DERL1: variants seen among roughly 807,000 people sequenced by gnomAD.
DERL1 encodes derlin 1, also known as derlin-1.
A neutral mutation model predicts 41.6 loss-of-function variants in DERL1; 24 were observed. That is an observed-to-expected ratio of 0.58 (90% confidence interval 0.42 to 0.81). The LOEUF (loss-of-function observed/expected upper bound fraction) is 0.81. Among genes scored for constraint, DERL1 ranks in the 30% least tolerant of loss-of-function variants. The pLI is 0.00. For synonymous variants in DERL1, 124 were observed against 112.5 expected (o/e 1.10, Z -0.65); for missense variants, 260 against 314.3 (o/e 0.83, Z 1.31).
At chr8:123,024,425 G>A (rs1812635960) in intron 3 of DERL1, among the ~76,000 whole-genome samples, 1 of 152,168 alleles carries the variant, frequency 6.6e-6, no homozygotes, top group Non-Finnish European at 1.5e-5. Context: ...CAGGACCTGA[G>A]ACATCGAGAG....
chr8:123,033,459 T>C (rs915734880), intron 1 of DERL1, among the ~76,000 whole-genome samples: 7 of 152,150 alleles, frequency 4.6e-5, no homozygotes, highest in Admixed American at 2.6e-4. Flanking sequence ...AAAATTGAGC[T>C]TCGGCCGGGA....
intron 1 of DERL1, among the ~76,000 whole-genome samples, chr8:123,031,510 A>C (rs1161875863): frequency 1.3e-5 from 2 of 152,066 alleles, no homozygotes; most frequent in Non-Finnish European, 2.9e-5. Context: ...GCGCCACTAC[A>C]CTCCAGCCTG....
At chr8:123,024,222 C>A (rs1441109085) in intron 3 of DERL1, among the ~76,000 whole-genome samples, 2 of 152,154 alleles carry the variant, frequency 1.3e-5, no homozygotes, top group East Asian at 3.8e-4. Context: ...GATGAAGATG[C>A]CTGTAGCCTT....
chr8:123,015,824 A>C (rs943853072), intron 7 of DERL1: 4 of 411,364 alleles, frequency 9.7e-6, no homozygotes, highest in African/African-American at 2.0e-5. Context: ...CTAAATTCAC[A>C]CTCTGAACGT....
chr8:123,037,928 CTT>C (rs1231586413), intron 1 of DERL1, among the ~76,000 whole-genome samples: 1 of 152,154 alleles, frequency 6.6e-6, no homozygotes, highest in Non-Finnish European at 1.5e-5. Flanking sequence ...ATTGCCACCT[CTT>C]GTGTAGTTAA....
rs200467011 is a variant in DERL1 at position 123,019,268 on chromosome 8, G to T, written c.544C>A (p.Leu182Ile). Residue 182 changes from leucine (L) to isoleucine (I), a missense_variant, in exon 7 of 8, where the codon CTT becomes ATT. Transcript: ENST00000259512. ...NELIGNLVGH[L>I]YFFLMFRYPM... ...TATCTGAACATTAGGAAAAAATAAA[G>T]ATGTCCAACCAGATTTCCAATAAGC... 2 of 1,614,044 alleles carry T rather than the reference G, an allele frequency of 1.2e-6. No homozygotes were observed. The highest frequency in any genetic ancestry group is 2.7e-5 in the African/African-American group (2 of 75,028).
Position 123,024,988 on chromosome 8 carries a change from C to T in DERL1, c.328G>A (p.Val110Met), listed in dbSNP as rs762376992. 47 of 1,613,274 alleles carry T rather than the reference C, an allele frequency of 2.9e-5. No homozygotes were observed. In the Admixed American group the frequency reaches 3.3e-4, roughly 11 times the overall value. Residue 110 changes from valine (V) to methionine (M), a missense_variant and splice_region_variant, in exon 3 of 8, where the codon GTG becomes ATG. Physicochemically the swap from Val to Met is conservative, Grantham distance 21. Transcript: ENST00000259512. ...FMLLFNWICI[V>M]ITGLAMDMQL... ...CAAAATCACAGACTGAAGGATACCA[C>T]GATGCAAATCCAGTTAAAGAGGAGC...
At chr8:123,022,358 A>G (rs557674232) in intron 5 of DERL1, among the ~76,000 whole-genome samples, 1 of 152,318 alleles carries the variant, frequency 6.6e-6, no homozygotes, top group South Asian at 2.1e-4. Flanking sequence ...AATAACAGGG[A>G]ACGAGGGAGG....
At chr8:123,034,581 T>C (rs1812884427) in intron 1 of DERL1, among the ~76,000 whole-genome samples, 1 of 152,204 alleles carries the variant, frequency 6.6e-6, no homozygotes. Flanking sequence ...CAGTAAGTGG[T>C]GAAGCTAGAA....
At position 123,014,871 on chromosome 8, in the gene DERL1, C is replaced by T. The variant is rs1040296404; in HGVS notation, c.*576G>A. ...GAAGCAATTCCAAAAGCTGAGAAAA[C>T]GCTTCATCCGCTGCTTGTCTTCTCC... On this transcript the variant is annotated 3_prime_UTR_variant, in exon 8 of 8. Coordinates refer to ENST00000259512, the MANE Select transcript of DERL1 (RefSeq NM_024295.6). The T allele has an allele frequency of 3.3e-5, 5 of 152,166 alleles. No individual in the cohort carries two copies. The highest frequency in any genetic ancestry group is 1.2e-4 in the African/African-American group (5 of 41,424). The allele number at this position is 152,166 out of a possible 1,614,324, so 9.4% of individuals were successfully genotyped here.
intron 1 of DERL1, among the ~76,000 whole-genome samples, chr8:123,031,142 A>T (rs1244668571): frequency 6.6e-6 from 1 of 152,262 alleles, no homozygotes. Context: ...CAAAGGCAGA[A>T]GTAAAACAAC....
chr8:123,042,158 C>T lies in DERL1; in HGVS notation c.-36G>A, dbSNP rs756592853. On this transcript the variant is annotated 5_prime_UTR_variant, in exon 1 of 8. Coordinates refer to ENST00000259512, the MANE Select transcript of DERL1 (RefSeq NM_024295.6). ...CAGGTAGCCAAGATGCACAAGACCG[C>T]CCGACTCCCCGTGCCGACCCCCTCA... The T allele has an allele frequency of 8.3e-6, 13 of 1,558,094 alleles. No individual in the cohort carries two copies. The highest frequency in any genetic ancestry group is 1.4e-5 in the African/African-American group (1 of 73,602).
chr8:123,019,036 C>T (rs1463981976), intron 7 of DERL1, 159 bp downstream of exon 7: 1 of 662,866 alleles, frequency 1.5e-6, no homozygotes, highest in African/African-American at 1.8e-5. Context: ...TAATCCCTAA[C>T]TTCCTGTGAC....
intron 1 of DERL1, 148 bp downstream of exon 1, chr8:123,041,822 C>A: frequency 2.6e-6 from 3 of 1,135,208 alleles, no homozygotes; most frequent in Non-Finnish European, 3.6e-6. Flanking sequence ...CCTCCCCGGG[C>A]CCAAAGGACC....
chr8:123,023,782 G>C, intron 3 of DERL1, 43 bp from the exon 4 acceptor site: 7 of 1,602,614 alleles, frequency 4.4e-6, no homozygotes, highest in Non-Finnish European at 6.0e-6. Flanking sequence ...AAAGCATTCT[G>C]TACCTAGTCA....
intron 2 of DERL1, among the ~76,000 whole-genome samples, chr8:123,027,590 G>A (rs760197882): frequency 5.3e-4 from 81 of 152,280 alleles, no homozygotes; most frequent in Middle Eastern, 3.4e-3. Context: ...GTTGAGTAGG[G>A]AATGAGGAGG....
intron 1 of DERL1, 83 bp downstream of exon 1, chr8:123,041,887 C>T (rs2130503239): frequency 3.4e-6 from 5 of 1,454,172 alleles, no homozygotes; most frequent in South Asian, 1.4e-5. Flanking sequence ...GCACCGCGCG[C>T]CCGCAACATG....
intron 1 of DERL1, among the ~76,000 whole-genome samples, chr8:123,034,804 A>G (rs1812890249): frequency 6.6e-6 from 1 of 152,240 alleles, no homozygotes; most frequent in South Asian, 2.1e-4. Flanking sequence ...AAAGACCAGA[A>G]GCAAACCCTC....
At chr8:123,027,486 TTAAA>T (rs1234650111) in intron 2 of DERL1, among the ~76,000 whole-genome samples, 1 of 152,058 alleles carries the variant, frequency 6.6e-6, no homozygotes, top group Admixed American at 6.6e-5. Context: ...TGTGTATACT[TTAAA>T]TGGGTACGTT....
Sources: gnomAD v4.1 joint callset for allele counts (sites outside exome capture counted in the v4.1 genomes callset) on GRCh38, gnomAD v4.1.1 for gene constraint, MANE v1.5 for transcripts, NCBI Gene and HGNC (gene_info 2026-07-23, HGNC 2026-07-21) for gene names.